CNKSR2: variants seen among roughly 807,000 people sequenced by gnomAD.
CNKSR2 encodes the protein CNK homolog protein 2.
In CNKSR2, 14 loss-of-function variants were observed where a neutral mutation model predicts 84.4. The ratio of observed to expected loss-of-function variants is 0.17; its 90% CI spans 0.11 to 0.26. The LOEUF (loss-of-function observed/expected upper bound fraction) is 0.26, where lower values mean the gene tolerates loss of function less well. CNKSR2 is among the 10% of genes least tolerant of loss of function. The probability of loss-of-function intolerance (pLI) is 1.00; values close to 1 mark genes in which losing one functional copy is unlikely to be tolerated. For missense variants in CNKSR2, 485 were observed against 771.2 expected, an observed-to-expected ratio of 0.63 and a Z score of 4.40; for synonymous variants, 275 against 277.9, an observed-to-expected ratio of 0.99 and a Z score of 0.10.
chrX:21,533,732 G>A (rs566345524), intron 11 of CNKSR2, among the ~76,000 whole-genome samples: 9 of 110,890 alleles, frequency 8.1e-5, no homozygotes, highest in African/African-American at 2.9e-4. Context: ...AAAGAAATAT[G>A]TACATACTTA....
intron 20 of CNKSR2, among the ~76,000 whole-genome samples, chrX:21,648,137 C>T (rs2092711152): frequency 9.0e-6 from 1 of 111,497 alleles, no homozygotes; most frequent in African/African-American, 3.3e-5. Flanking sequence ...CATATTTTCC[C>T]TCTATATTTG....
At chrX:21,499,393 G>T (rs909424184) in intron 7 of CNKSR2, among the ~76,000 whole-genome samples, 1 of 111,257 alleles carries the variant, frequency 9.0e-6, no homozygotes, top group Non-Finnish European at 1.9e-5. Context: ...ACAAAGGGAA[G>T]AATAGTAAAT....
In CNKSR2 at chrX:21,383,349, T is replaced by A. The variant is rs1199590167; in HGVS notation, c.64+8388T>A. 4.4e-5 allele frequency among the ~76,000 whole-genome samples: 5 copies of A among 113,011 alleles called. No homozygotes were observed. In the East Asian group the frequency reaches 1.4e-3, roughly 31 times the overall value. On this transcript the variant is annotated intron_variant, in intron 1 of 21. Coordinates refer to ENST00000379510, the MANE Select transcript of CNKSR2 (RefSeq NM_014927.5). ...GTTTGTTGCTATTTGCATAAATGCATTGAACTTTAAATTTTACTAAAGTGC... is the reference window on the plus strand; with the variant it reads ...GTTTGTTGCTATTTGCATAAATGCAATGAACTTTAAATTTTACTAAAGTGC...
At chrX:21,520,111 A>T (rs1343550509) in intron 9 of CNKSR2, among the ~76,000 whole-genome samples, 1 of 111,638 alleles carries the variant, frequency 9.0e-6, no homozygotes, top group Non-Finnish European at 1.9e-5. Context: ...AATAAACAGA[A>T]GCATACAATT....
intron 15 of CNKSR2, chrX:21,591,792 T>C (rs904168395): frequency 9.0e-6 from 1 of 110,638 alleles, no homozygotes; most frequent in African/African-American, 3.3e-5. Flanking sequence ...TCCAGAGGAG[T>C]CATATCAAAA....
chrX:21,466,978 C>A (rs1487748327), intron 4 of CNKSR2, among the ~76,000 whole-genome samples: 1 of 111,354 alleles, frequency 9.0e-6, no homozygotes, highest in Non-Finnish European at 1.9e-5. Flanking sequence ...GGTAGAGATA[C>A]AAACAAGTAG....
chrX:21,414,170 A>G (rs996880294), intron 1 of CNKSR2, among the ~76,000 whole-genome samples: 7 of 110,902 alleles, frequency 6.3e-5, no homozygotes, highest in East Asian at 2.8e-4. Flanking sequence ...TGGTTGTACT[A>G]ATTTACATTC....
At chrX:21,515,369 G>A (rs1423835481) in intron 8 of CNKSR2, among the ~76,000 whole-genome samples, 1 of 110,904 alleles carries the variant, frequency 9.0e-6, no homozygotes, top group Non-Finnish European at 1.9e-5. Flanking sequence ...TAGACAAAGG[G>A]CACCAATTAT....
chrX:21,532,601 CA>C (rs1168913152), intron 11 of CNKSR2, among the ~76,000 whole-genome samples: 1 of 110,269 alleles, frequency 9.1e-6, no homozygotes, highest in African/African-American at 3.3e-5. Flanking sequence ...GTATTTAAGG[CA>C]AAAATGGGCT....
At chrX:21,470,744 G>A (rs372744073) in intron 4 of CNKSR2, 22 bp from the exon 5 acceptor site, 9 of 833,660 alleles carry the variant, frequency 1.1e-5, no homozygotes, top group Non-Finnish European at 1.5e-5. Flanking sequence ...TGAATCTAAT[G>A]TATATGGTTC....
intron 3 of CNKSR2, among the ~76,000 whole-genome samples, chrX:21,437,825 C>T (rs1244497029): frequency 2.7e-5 from 3 of 110,689 alleles, no homozygotes; most frequent in African/African-American, 9.9e-5. Context: ...TTGATAACAC[C>T]TAATACAACC....
intron 1 of CNKSR2, among the ~76,000 whole-genome samples, chrX:21,399,416 AG>A (rs1264238856): frequency 3.6e-5 from 4 of 111,810 alleles, no homozygotes; most frequent in Non-Finnish European, 7.5e-5. Flanking sequence ...TACAGTCAGT[AG>A]TCCCTCTATC....
intron 15 of CNKSR2, 101 bp downstream of exon 15, chrX:21,591,295 C>A (rs2092419078): frequency 1.5e-6 from 1 of 646,535 alleles, no homozygotes; most frequent in Non-Finnish European, 2.3e-6. Flanking sequence ...ACCTTAAGGC[C>A]AATTCAGTAG....
chrX:21,459,762 G>T (rs2091038867), intron 4 of CNKSR2, among the ~76,000 whole-genome samples: 1 of 110,297 alleles, frequency 9.1e-6, no homozygotes, highest in African/African-American at 3.3e-5. Flanking sequence ...TATGCTTATA[G>T]TTCCTTTCCT....
intron 5 of CNKSR2, among the ~76,000 whole-genome samples, chrX:21,480,277 G>A (rs767517874): frequency 9.0e-6 from 1 of 111,264 alleles, no homozygotes; most frequent in African/African-American, 3.3e-5. Flanking sequence ...TGAAGACATC[G>A]CTCCCAGGTC....
intron 9 of CNKSR2, 110 bp downstream of exon 9, chrX:21,516,741 C>A: frequency 1.4e-6 from 1 of 693,766 alleles, no homozygotes; most frequent in Non-Finnish European, 2.1e-6. Context: ...ATCTTGTATG[C>A]TTTTGAAAAG....
intron 1 of CNKSR2, among the ~76,000 whole-genome samples, chrX:21,377,157 G>A (rs2146936490): frequency 8.9e-6 from 1 of 111,864 alleles, no homozygotes; most frequent in East Asian, 2.8e-4. Flanking sequence ...ACATATGACT[G>A]GAAGAGAATG....
intron 5 of CNKSR2, among the ~76,000 whole-genome samples, chrX:21,474,808 A>T (rs1015201054): frequency 3.6e-5 from 4 of 112,189 alleles, no homozygotes; most frequent in African/African-American, 1.3e-4. Context: ...ATAACTCACA[A>T]AAGCAAGCTT....
At chrX:21,530,934 C>T (rs998918283) in intron 10 of CNKSR2, among the ~76,000 whole-genome samples, 1 of 109,984 alleles carries the variant, frequency 9.1e-6, no homozygotes, top group Non-Finnish European at 1.9e-5. Flanking sequence ...CTCTAGAATC[C>T]TATAGAAGAA....
Sources: gnomAD v4.1 joint callset for allele counts (sites outside exome capture counted in the v4.1 genomes callset) on GRCh38, gnomAD v4.1.1 for gene constraint, MANE v1.5 for transcripts, NCBI Gene and HGNC (gene_info 2026-07-23, HGNC 2026-07-21) for gene names.